The following PCLO variants were observed in gnomAD, a reference collection of about 807,000 sequenced individuals.
PCLO encodes protein piccolo.
A neutral mutation model predicts 427.5 loss-of-function variants in PCLO; 82 were observed. That is an observed-to-expected ratio of 0.19 (90% CI 0.16 to 0.23). The LOEUF (loss-of-function observed/expected upper bound fraction) is 0.23, where lower values mean the gene tolerates loss of function less well. PCLO is among the 10% of genes least tolerant of loss of function. PCLO has a pLI of 1.00. For missense variants in PCLO, 6,239 were observed against 6,115.9 expected, an observed-to-expected ratio of 1.02 and a Z score of -0.67; for synonymous variants, 2,357 against 2,155.4, an observed-to-expected ratio of 1.09 and a Z score of -2.59.
At chr7:82,820,487 A>G in intron 20 of PCLO, 1 of 1,198,806 alleles carries the variant, frequency 8.3e-7, no homozygotes, top group Non-Finnish European at 1.0e-6. Flanking sequence ...TTTATGAATG[A>G]AATAAAGATA....
At chr7:83,079,761 G>A (rs934560314) in intron 3 of PCLO, among the ~76,000 whole-genome samples, 1 of 152,022 alleles carries the variant, frequency 6.6e-6, no homozygotes, top group Non-Finnish European at 1.5e-5. Flanking sequence ...AGAATGTGCA[G>A]GTTTGTTACA....
chr7:83,121,761 A>G (rs2116564116), intron 3 of PCLO, among the ~76,000 whole-genome samples: 1 of 152,328 alleles, frequency 6.6e-6, no homozygotes, highest in South Asian at 2.1e-4. Context: ...GGAGAAAAGT[A>G]TGAAAAGAAT....
chr7:83,078,706 T>TAGTGCC (rs1327713836), intron 3 of PCLO, among the ~76,000 whole-genome samples: 2 of 151,956 alleles, frequency 1.3e-5, no homozygotes, highest in African/African-American at 2.4e-5. Flanking sequence ...TAATTTTTCG[T>TAGTGCC]ATTTTAGTAG....
intron 3 of PCLO, among the ~76,000 whole-genome samples, chr7:82,970,318 G>A (rs537067224): frequency 1.3e-4 from 20 of 151,974 alleles, no homozygotes; most frequent in Non-Finnish European, 2.4e-4. Flanking sequence ...CTGTAATCCA[G>A]TGAAGGTTTC....
At chr7:82,870,905 C>G (rs1351481434) in intron 10 of PCLO, among the ~76,000 whole-genome samples, 2 of 151,822 alleles carry the variant, frequency 1.3e-5, no homozygotes, top group Non-Finnish European at 2.9e-5. Flanking sequence ...TCACCTCACC[C>G]CATTAAAAAT....
At chr7:83,018,349 G>A (rs917852617) in intron 3 of PCLO, among the ~76,000 whole-genome samples, 1 of 151,870 alleles carries the variant, frequency 6.6e-6, no homozygotes, top group Non-Finnish European at 1.5e-5. Context: ...TAAATATGTT[G>A]TATTAAGAGT....
chr7:83,129,135 T>C (rs1452858150), intron 3 of PCLO, among the ~76,000 whole-genome samples: 2 of 152,200 alleles, frequency 1.3e-5, no homozygotes, highest in Non-Finnish European at 2.9e-5. Context: ...CTCTGAACTA[T>C]ACCTTTGTGG....
At chr7:82,779,084 C>T (rs564745068) in intron 22 of PCLO, among the ~76,000 whole-genome samples, 7 of 152,128 alleles carry the variant, frequency 4.6e-5, no homozygotes, top group African/African-American at 7.2e-5. Flanking sequence ...ACTGTATTCA[C>T]GTCTTCTTTT....
At chr7:82,851,820 C>G (rs1297508632) in intron 10 of PCLO, among the ~76,000 whole-genome samples, 1 of 152,168 alleles carries the variant, frequency 6.6e-6, no homozygotes, top group Non-Finnish European at 1.5e-5. Context: ...GACTCAACAG[C>G]AAACACATCT....
intron 3 of PCLO, among the ~76,000 whole-genome samples, chr7:83,103,529 G>T (rs1309330652): frequency 6.6e-6 from 1 of 151,740 alleles, no homozygotes; most frequent in East Asian, 1.9e-4. Flanking sequence ...CAGTATTTAG[G>T]ATATATACTA....
intron 3 of PCLO, among the ~76,000 whole-genome samples, chr7:83,076,918 A>C (rs1354501328): frequency 6.6e-6 from 1 of 151,806 alleles, no homozygotes; most frequent in Non-Finnish European, 1.5e-5. Flanking sequence ...TAAATCTAAC[A>C]TGGTTACTCT....
In PCLO at chr7:82,780,446, C is replaced by A. The variant is rs999108145; in HGVS notation, c.15008-18953G>T. ...ATTGATTGAAGATTGAAGTTAACCACCACTCTCTCCCAAGATGCCTTCTTA... is the reference window on the plus strand; with the variant it reads ...ATTGATTGAAGATTGAAGTTAACCAACACTCTCTCCCAAGATGCCTTCTTA... On this transcript the variant is annotated intron_variant, in intron 22 of 24. Transcript: ENST00000333891. 1.1e-4 allele frequency among the ~76,000 whole-genome samples: 17 copies of A among 152,344 alleles called. 1 individual carries two copies. Among genetic ancestry groups the A allele is most frequent in the African/African-American group, 4.1e-4 (17 of 41,582 alleles).
chr7:82,961,279 T>A (rs1795650619), intron 4 of PCLO, among the ~76,000 whole-genome samples: 1 of 152,158 alleles, frequency 6.6e-6, no homozygotes, highest in Non-Finnish European at 1.5e-5. Flanking sequence ...TCAGGTGGGA[T>A]TTTTTCTGAC....
rs1485520333 is a variant in PCLO at position 83,038,067 on chromosome 7, ATATATTTATATATATATCTT to A, written c.3301-71600_3301-71581del. 9.0e-3 allele frequency among the ~76,000 whole-genome samples: 471 copies of A among 52,238 alleles called. 50 individuals are homozygous for A. The highest frequency in any genetic ancestry group is 0.032 in the African/African-American group (446 of 14,062). 34.3% of individuals were successfully genotyped at this position (52,238 alleles called of 152,430 possible). On this transcript the variant is annotated intron_variant, in intron 3 of 24. Coordinates refer to ENST00000333891, the MANE Select transcript of PCLO (RefSeq NM_033026.6). ...TATATATATCTTTATATATATATTT[ATATATTTATATATATATCTT>A]TATATATATATATTTATATATGTAT...
intron 6 of PCLO, among the ~76,000 whole-genome samples, chr7:82,920,363 A>T (rs888654688): frequency 1.3e-5 from 2 of 151,818 alleles, no homozygotes; most frequent in East Asian, 1.9e-4. Context: ...TTCTGTGTTG[A>T]CCAGCTCTTA....
At chr7:82,891,123 T>G (rs541126606) in intron 9 of PCLO, among the ~76,000 whole-genome samples, 1 of 152,254 alleles carries the variant, frequency 6.6e-6, no homozygotes, top group Non-Finnish European at 1.5e-5. Flanking sequence ...TATGCATATA[T>G]GTATCTTCCC....
chr7:82,803,397 C>A (rs1408512639), intron 21 of PCLO, among the ~76,000 whole-genome samples: 1 of 152,046 alleles, frequency 6.6e-6, no homozygotes, highest in Non-Finnish European at 1.5e-5. Context: ...AATTGTAGTA[C>A]AAGTACATTT....
intron 22 of PCLO, among the ~76,000 whole-genome samples, chr7:82,790,819 G>T (rs1298005062): frequency 1.3e-5 from 2 of 152,086 alleles, no homozygotes; most frequent in African/African-American, 4.8e-5. Context: ...TCAGTTTTAG[G>T]GTGGTAAACT....
chr7:82,882,951 A>G (rs1412022497), intron 9 of PCLO, among the ~76,000 whole-genome samples: 1 of 152,118 alleles, frequency 6.6e-6, no homozygotes, highest in Non-Finnish European at 1.5e-5. Flanking sequence ...TATTTTCAAC[A>G]TTAAAATATA....
Sources: gnomAD v4.1 joint callset for allele counts (sites outside exome capture counted in the v4.1 genomes callset) on GRCh38, gnomAD v4.1.1 for gene constraint, MANE v1.5 for transcripts, NCBI Gene and HGNC (gene_info 2026-07-23, HGNC 2026-07-21) for gene names.